The following TEK variants were observed in gnomAD, a reference collection of about 807,000 sequenced individuals.
The protein encoded by TEK is TEK receptor tyrosine kinase, also known as angiopoietin-1 receptor.
In TEK, 43 loss-of-function variants were observed where a neutral mutation model predicts 131.8. The ratio of observed to expected loss-of-function variants is 0.33; its 90% CI spans 0.26 to 0.42. The LOEUF is 0.42. TEK is among the 10% of genes least tolerant of loss of function. The probability of loss-of-function intolerance (pLI) is 1.00; values close to 1 mark genes in which losing one functional copy is unlikely to be tolerated. For missense variants in TEK, 1,162 were observed against 1,384.4 expected (o/e 0.84, Z 2.55); for synonymous variants, 580 against 491.6 (o/e 1.18, Z -2.38).
At chr9:27,212,301 A>T (rs1018814554) in intron 16 of TEK, among the ~76,000 whole-genome samples, 1 of 152,232 alleles carries the variant, frequency 6.6e-6, no homozygotes, top group Admixed American at 6.5e-5. Flanking sequence ...AGACTAGAAT[A>T]ACATGCCTGG....
chr9:27,196,291 C>A (rs981206438), intron 11 of TEK, among the ~76,000 whole-genome samples: 2 of 152,086 alleles, frequency 1.3e-5, no homozygotes, highest in African/African-American at 4.8e-5. Flanking sequence ...ATGGCTATAT[C>A]ATAATTTATT....
At chr9:27,213,123 T>TTGC (rs1825695223) in intron 17 of TEK, among the ~76,000 whole-genome samples, 1 of 152,190 alleles carries the variant, frequency 6.6e-6, no homozygotes, top group East Asian at 1.9e-4. Context: ...AATTTTCTTC[T>TTGC]ATCTAATTTC....
intron 1 of TEK, among the ~76,000 whole-genome samples, chr9:27,157,399 A>G (rs1823374004): frequency 6.6e-6 from 1 of 152,176 alleles, no homozygotes; most frequent in Non-Finnish European, 1.5e-5. Context: ...ATAAGGCATA[A>G]GTTTATGTAG....
chr9:27,173,723 G>GTTTTT (rs71492737), intron 6 of TEK, among the ~76,000 whole-genome samples: 1 of 92,068 alleles, frequency 1.1e-5, no homozygotes, highest in Non-Finnish European at 2.2e-5. Flanking sequence ...TAGAAGACTT[G>GTTTTT]TTTTTTTTTT....
At position 27,183,710 on chromosome 9, in the gene TEK, C is replaced by G. The variant is rs1824487082; in HGVS notation, c.1182+100C>G. 4.0e-6 allele frequency: 6 copies of G among 1,483,178 alleles called. No homozygotes were observed. The South Asian group carries it at 6.8e-5, about 17-fold the overall frequency. The allele number at this position is 1,483,178 out of a possible 1,614,324, so 91.9% of individuals were successfully genotyped here. On this transcript the variant is annotated intron_variant, in intron 8 of 22. Coordinates refer to ENST00000380036, the MANE Select transcript of TEK (RefSeq NM_000459.5). ...GATACCATTCAGTGCTTTTATCCTC[C>G]TAGGCTAGTGTGTTGTTGGCTTTGA...
At chr9:27,166,574 A>G (rs116210514) in intron 2 of TEK, among the ~76,000 whole-genome samples, 2,015 of 152,354 alleles carry the variant, frequency 0.013, 44 homozygotes, top group African/African-American at 0.045. Context: ...CTGTTTTATC[A>G]TTACATAATG....
chr9:27,109,701 C>T, intron 1 of TEK, 59 bp downstream of exon 1: 5 of 1,564,956 alleles, frequency 3.2e-6, no homozygotes, highest in Non-Finnish European at 4.4e-6. Flanking sequence ...TTAGTGATTT[C>T]TGGGTGCTCT....
intron 17 of TEK, 137 bp downstream of exon 17, chr9:27,213,034 GA>G: frequency 1.1e-6 from 1 of 909,084 alleles, no homozygotes; most frequent in Admixed American, 2.5e-5. Context: ...ATCTCTCTGT[GA>G]ATAGTCCATC....
At chr9:27,110,069 AG>A (rs1229202736) in intron 1 of TEK, among the ~76,000 whole-genome samples, 1 of 152,164 alleles carries the variant, frequency 6.6e-6, no homozygotes, top group Non-Finnish European at 1.5e-5. Flanking sequence ...GGCCCAATTA[AG>A]GCAGTGTATA....
At chr9:27,164,113 T>C (rs1240233253) in intron 2 of TEK, among the ~76,000 whole-genome samples, 1 of 152,146 alleles carries the variant, frequency 6.6e-6, no homozygotes. Flanking sequence ...CAGAGCGAGA[T>C]TCCTTGGTTC....
chr9:27,129,986 G>C (rs1822150657), intron 1 of TEK, among the ~76,000 whole-genome samples: 1 of 152,164 alleles, frequency 6.6e-6, no homozygotes, highest in Non-Finnish European at 1.5e-5. Flanking sequence ...TATCACATAA[G>C]TTCTAAGCAT....
At chr9:27,183,314 A>G in intron 7 of TEK, 145 bp from the exon 8 acceptor site, 4 of 858,898 alleles carry the variant, frequency 4.7e-6, no homozygotes, top group Non-Finnish European at 7.7e-6. Flanking sequence ...TCCACATCAC[A>G]GGTGTCTTAT....
chr9:27,130,394 A>C (rs1193901212), intron 1 of TEK, among the ~76,000 whole-genome samples: 1 of 152,180 alleles, frequency 6.6e-6, no homozygotes, highest in African/African-American at 2.4e-5. Flanking sequence ...TTAAAATGTT[A>C]AATGTAAAAA....
At chr9:27,203,831 T>A (rs1825307181) in intron 13 of TEK, among the ~76,000 whole-genome samples, 1 of 152,190 alleles carries the variant, frequency 6.6e-6, no homozygotes, top group South Asian at 2.1e-4. Flanking sequence ...AATTTATGAT[T>A]TGGATTACAG....
chr9:27,220,171 A>G (rs1274137687), intron 21 of TEK, 26 bp downstream of exon 21: 7 of 1,610,630 alleles, frequency 4.3e-6, no homozygotes, highest in Middle Eastern at 1.9e-4. Context: ...TCCTGGGGCT[A>G]TTTTGTCTTA....
intron 18 of TEK, among the ~76,000 whole-genome samples, chr9:27,216,326 G>T (rs1216950069): frequency 6.6e-6 from 1 of 152,090 alleles, no homozygotes; most frequent in Non-Finnish European, 1.5e-5. Context: ...ATGGTGGACT[G>T]AACTGAGGTG....
At chr9:27,113,983 A>C (rs1389942497) in intron 1 of TEK, among the ~76,000 whole-genome samples, 1 of 152,126 alleles carries the variant, frequency 6.6e-6, no homozygotes, top group Non-Finnish European at 1.5e-5. Context: ...AACACAATTC[A>C]ACTCAATTTG....
intron 16 of TEK, 140 bp downstream of exon 16, chr9:27,209,371 A>C (rs1293118729): frequency 5.5e-6 from 4 of 720,936 alleles, no homozygotes; most frequent in Non-Finnish European, 9.8e-6. Context: ...ATGTCTGTCT[A>C]GTCCCATTTA....
chr9:27,222,223 G>A (rs188661400), intron 21 of TEK, among the ~76,000 whole-genome samples: 11 of 152,182 alleles, frequency 7.2e-5, no homozygotes, highest in East Asian at 5.8e-4. Context: ...CAAGAAATAC[G>A]AGACTACGTG....
Sources: gnomAD v4.1 joint callset for allele counts (sites outside exome capture counted in the v4.1 genomes callset) on GRCh38, gnomAD v4.1.1 for gene constraint, MANE v1.5 for transcripts, NCBI Gene and HGNC (gene_info 2026-07-23, HGNC 2026-07-21) for gene names.